Variants in DOCK4 observed in about 807,000 individuals in gnomAD.
DOCK4 encodes the protein dedicator of cytokinesis 4, also known as dedicator of cytokinesis protein 4.
A neutral mutation model predicts 268.1 loss-of-function variants in DOCK4; 97 were observed. The ratio of observed to expected loss-of-function variants is 0.36; its 90% CI spans 0.31 to 0.43. The LOEUF (loss-of-function observed/expected upper bound fraction) is 0.43, where lower values mean the gene tolerates loss of function less well. Ranked by LOEUF, DOCK4 falls within the 20% of genes least tolerant of loss-of-function variation. The pLI, the probability that DOCK4 is intolerant of heterozygous loss-of-function variation, is 1.00. For synonymous variants in DOCK4, 954 were observed against 887.2 expected, an observed-to-expected ratio of 1.08 and a Z score of -1.34; for missense variants, 2,145 against 2,455.7, an observed-to-expected ratio of 0.87 and a Z score of 2.67.
At chr7:111,913,114 C>T (rs892531637) in intron 13 of DOCK4, among the ~76,000 whole-genome samples, 2 of 151,874 alleles carry the variant, frequency 1.3e-5, no homozygotes, top group East Asian at 3.9e-4. Context: ...CAGTCACATG[C>T]CACCATGCCC....
At position 111,870,439 on chromosome 7, in the gene DOCK4, C is replaced by A. The variant is rs1193518397; in HGVS notation, c.2028-784G>T. Among the ~76,000 whole-genome samples the A allele has an allele frequency of 2.0e-5, 3 of 151,198 alleles. No individual in the cohort carries two copies. In the East Asian group the frequency reaches 5.9e-4, roughly 29 times the overall value. The stretch of plus-strand genomic sequence containing the variant: ...TGGGTTCAAGCAGATTCTTCTGCCT[C>A]AGCCTCCCAAGCAGCTGGGATTCAA... On this transcript the variant is annotated intron_variant, in intron 20 of 52. Coordinates refer to ENST00000428084, the MANE Select transcript of DOCK4 (RefSeq NM_001363540.2).
At chr7:111,875,882 C>A (rs901714968) in intron 17 of DOCK4, among the ~76,000 whole-genome samples, 1 of 152,138 alleles carries the variant, frequency 6.6e-6, no homozygotes, top group African/African-American at 2.4e-5. Context: ...GCTGTTACAG[C>A]TGCAATAAAT....
chr7:111,872,340 T>A lies in DOCK4; in HGVS notation c.1855A>T (p.Thr619Ser), dbSNP rs1217940171. The A allele has an allele frequency of 6.4e-7, 1 of 1,558,598 alleles. No individual in the cohort carries two copies. Reference sequence around the variant, plus strand: ...AAAATTCCAAATAAGGTATCCAGTGTATCCTGCAGAAACTGTTAGATAAAG... The same window carrying A: ...AAAATTCCAAATAAGGTATCCAGTGAATCCTGCAGAAACTGTTAGATAAAG... ...GSEIVKFLQD[T>S]LDTLFGILDE... Residue 619 changes from threonine to serine, a missense_variant, in exon 19 of 53, where the codon ACA (threonine) becomes TCA (serine). By Grantham distance (58) the Thr-to-Ser change is moderately conservative. This residue lies in a region of DOCK4 where 1,598 missense variants were observed against 1,986.7 expected (regional missense o/e 0.80). Coordinates refer to ENST00000428084, the MANE Select transcript of DOCK4 (RefSeq NM_001363540.2).
Position 111,847,030 on chromosome 7 carries a change from T to C in DOCK4, c.2570A>G (p.Asn857Ser). Residue 857 changes from asparagine (N) to serine (S), a missense_variant, in exon 24 of 53, where the codon AAC becomes AGC. This residue lies in a region of DOCK4 where 1,598 missense variants were observed against 1,986.7 expected (regional missense o/e 0.80). Transcript: ENST00000428084. Reference protein sequence around the residue: ...DLIMCARILSNVFCLIKKNSS... With the variant: ...DLIMCARILSSVFCLIKKNSS... The stretch of plus-strand genomic sequence containing the variant: ...ATTTTTCTTGATAAGACAAAATACG[T>C]TGCTAAGGATACGTGCACACATGAT... The C allele has an allele frequency of 6.2e-7, 1 of 1,613,802 alleles. No individual in the cohort carries two copies. The highest frequency in any genetic ancestry group is 8.5e-7 in the Non-Finnish European group (1 of 1,179,746).
chr7:111,981,711 A>T (rs922811592), intron 7 of DOCK4, among the ~76,000 whole-genome samples: 1 of 152,154 alleles, frequency 6.6e-6, no homozygotes, highest in Non-Finnish European at 1.5e-5. Context: ...TCTTTTCTTC[A>T]TCTGTAAAAT....
intron 30 of DOCK4, among the ~76,000 whole-genome samples, chr7:111,793,825 G>A (rs1054153104): frequency 6.6e-6 from 1 of 152,116 alleles, no homozygotes; most frequent in Admixed American, 6.6e-5. Context: ...AGACCAGCCT[G>A]GGCAACATGG....
intron 1 of DOCK4, among the ~76,000 whole-genome samples, chr7:112,183,254 A>C (rs1169754877): frequency 6.6e-6 from 1 of 151,810 alleles, no homozygotes. Flanking sequence ...CTCTTAATGG[A>C]AGGTCCTCCA....
At chr7:111,902,432 A>G (rs1039810749) in intron 13 of DOCK4, among the ~76,000 whole-genome samples, 5 of 152,208 alleles carry the variant, frequency 3.3e-5, no homozygotes, top group Non-Finnish European at 7.3e-5. Context: ...TTCTATGTAC[A>G]TATATACTGT....
intron 1 of DOCK4, among the ~76,000 whole-genome samples, chr7:112,133,026 C>T (rs540475357): frequency 1.3e-5 from 2 of 152,320 alleles, no homozygotes; most frequent in East Asian, 3.9e-4. Flanking sequence ...TCCAGGATGA[C>T]CAACTGCCTC....
chr7:111,939,675 CA>C lies in DOCK4; in HGVS notation c.977+434del, dbSNP rs977427273. Among the ~76,000 whole-genome samples the C allele has an allele frequency of 4.9e-4, 75 of 152,202 alleles. 1 individual carries two copies. Among genetic ancestry groups the C allele is most frequent in the Admixed American group, 7.9e-4 (12 of 15,284 alleles). On this transcript the variant is annotated intron_variant, in intron 11 of 52. Transcript: ENST00000428084. ...TCAGGCATAAATGGGTTAAGCCATG[CA>C]GTTTGTGGTACTTGGTTAGGGCAGG...
At chr7:112,048,147 A>AT (rs1173121784) in intron 1 of DOCK4, among the ~76,000 whole-genome samples, 6 of 152,172 alleles carry the variant, frequency 3.9e-5, no homozygotes, top group African/African-American at 1.4e-4. Flanking sequence ...AAGAACATAA[A>AT]TCTACAGATC....
rs766255689 is a variant in DOCK4 at position 111,728,231 on chromosome 7, G to C, written c.*43C>G. The C allele has an allele frequency of 7.2e-7, 1 of 1,391,392 alleles. No homozygotes were observed. 86.2% of individuals were successfully genotyped at this position (1,391,392 alleles called of 1,614,324 possible). A position where few individuals can be genotyped will look rare whatever the true frequency, so the allele number is the denominator to read the frequency against. On this transcript the variant is annotated 3_prime_UTR_variant, in exon 53 of 53. Transcript: ENST00000428084. ...GTCTTCTCATCATACTTCTTATTTT[G>C]TAAACGGGCAAAGAATGCATCGCAG...
At chr7:111,892,052 CAATA>C (rs752109018) in intron 16 of DOCK4, among the ~76,000 whole-genome samples, 1 of 152,100 alleles carries the variant, frequency 6.6e-6, no homozygotes, top group Admixed American at 6.5e-5. Flanking sequence ...ACTGTTTTAT[CAATA>C]AATATCTTAA....
At chr7:111,964,174 GTTCCTCACC>G (rs1219647678) in intron 8 of DOCK4, among the ~76,000 whole-genome samples, 20 of 144,056 alleles carry the variant, frequency 1.4e-4, no homozygotes, top group African/African-American at 5.6e-4. Context: ...AAGGAAAGCA[GTTCCTCACC>G]AGCAACAGAA....
chr7:112,165,559 T>TGCGTGC (rs1554467821), intron 1 of DOCK4, among the ~76,000 whole-genome samples: 2 of 148,152 alleles, frequency 1.3e-5, no homozygotes, highest in Non-Finnish European at 3.0e-5. Context: ...TGTGTGTGTG[T>TGCGTGC]GCGTGTGTGT....
chr7:112,122,203 C>T (rs1474382620), intron 1 of DOCK4, among the ~76,000 whole-genome samples: 1 of 151,770 alleles, frequency 6.6e-6, no homozygotes, highest in Non-Finnish European at 1.5e-5. Flanking sequence ...ATAAAATTTA[C>T]CATCTTAGTC....
At chr7:111,888,684 C>CTGAT (rs1216829090) in intron 16 of DOCK4, among the ~76,000 whole-genome samples, 1 of 152,144 alleles carries the variant, frequency 6.6e-6, no homozygotes, top group Non-Finnish European at 1.5e-5. Context: ...AGGAACTAGA[C>CTGAT]TGATTGTGGA....
rs894423269 is a variant in DOCK4, at chr7:112,027,242, TGA to T, written c.38-23113_38-23112del. 1.4e-4 allele frequency among the ~76,000 whole-genome samples: 22 copies of T among 152,294 alleles called. No homozygotes were observed. In the East Asian group the frequency reaches 2.5e-3, roughly 17 times the overall value. Reference sequence around the variant, plus strand: ...TTTGTTTTGTTTCCTTGTTTGTTTTTGAGAGAGAGTCTCGCTTTGTTGCCCAG... The same window carrying T: ...TTTGTTTTGTTTCCTTGTTTGTTTTTGAGAGAGTCTCGCTTTGTTGCCCAG... On this transcript the variant is annotated intron_variant, in intron 1 of 52. Coordinates refer to ENST00000428084, the MANE Select transcript of DOCK4 (RefSeq NM_001363540.2).
At chr7:111,878,604 CT>C (rs1390898346) in intron 16 of DOCK4, among the ~76,000 whole-genome samples, 1 of 152,204 alleles carries the variant, frequency 6.6e-6, no homozygotes, top group Non-Finnish European at 1.5e-5. Flanking sequence ...TCTCCCACCC[CT>C]CCCCCATCCC....
Sources: allele counts gnomAD v4.1 joint callset (sites outside exome capture counted in the v4.1 genomes callset), GRCh38; gene constraint gnomAD v4.1.1; regional missense constraint gnomAD v4.1.1; transcripts MANE v1.5; gene names NCBI Gene and HGNC (gene_info 2026-07-23, HGNC 2026-07-21).